Variants in KCNH7 observed in about 807,000 individuals in gnomAD.
KCNH7 encodes the protein voltage-gated inwardly rectifying potassium channel KCNH7.
In KCNH7, 49 loss-of-function variants were observed where a neutral mutation model predicts 120.8. That is an observed-to-expected ratio of 0.41 (90% CI 0.32 to 0.51). The LOEUF is 0.51. Among genes scored for constraint, KCNH7 ranks in the 20% least tolerant of loss-of-function variants. KCNH7 has a pLI of 0.38. For synonymous variants in KCNH7, 547 were observed against 516.1 expected, an observed-to-expected ratio of 1.06 and a Z score of -0.81; for missense variants, 1,097 against 1,446.6, an observed-to-expected ratio of 0.76 and a Z score of 3.92.
intron 6 of KCNH7, among the ~76,000 whole-genome samples, chr2:162,496,338 A>G (rs1001007401): frequency 6.6e-6 from 1 of 152,144 alleles, no homozygotes; most frequent in Non-Finnish European, 1.5e-5. Context: ...TGTTTTGTGC[A>G]GATAAGAGAA....
intron 9 of KCNH7, among the ~76,000 whole-genome samples, chr2:162,415,341 AG>A (rs1485020111): frequency 1.3e-5 from 2 of 152,138 alleles, no homozygotes; most frequent in African/African-American, 4.8e-5. Flanking sequence ...GCACCAGCAC[AG>A]AAGATGCTTC....
intron 2 of KCNH7, among the ~76,000 whole-genome samples, chr2:162,718,173 C>A (rs1342224839): frequency 6.6e-6 from 1 of 151,794 alleles, no homozygotes; most frequent in Non-Finnish European, 1.5e-5. Context: ...AAGAAATCTG[C>A]ACCTAAAATG....
chr2:162,793,798 G>A (rs543162544), intron 2 of KCNH7, among the ~76,000 whole-genome samples: 1 of 152,062 alleles, frequency 6.6e-6, no homozygotes, highest in South Asian at 2.1e-4. Context: ...AAGCTCTGGA[G>A]ATCTATTTTT....
intron 2 of KCNH7, among the ~76,000 whole-genome samples, chr2:162,539,325 A>G (rs1692224048): frequency 6.6e-6 from 1 of 152,130 alleles, no homozygotes; most frequent in South Asian, 2.1e-4. Context: ...TTCCTGGATC[A>G]TTTAGAATAT....
intron 2 of KCNH7, among the ~76,000 whole-genome samples, chr2:162,683,274 A>T (rs1391374413): frequency 3.3e-5 from 5 of 151,918 alleles, no homozygotes; most frequent in African/African-American, 1.2e-4. Context: ...TCTCTTATTC[A>T]GTAACAAAGC....
intron 2 of KCNH7, among the ~76,000 whole-genome samples, chr2:162,742,687 A>C (rs1322174267): frequency 6.6e-6 from 1 of 152,206 alleles, no homozygotes; most frequent in East Asian, 1.9e-4. Context: ...TTCACTCTGC[A>C]TTACAGTATT....
At chr2:162,441,706 C>T (rs1688419652) in intron 7 of KCNH7, among the ~76,000 whole-genome samples, 1 of 152,184 alleles carries the variant, frequency 6.6e-6, no homozygotes, top group African/African-American at 2.4e-5. Flanking sequence ...AGTTAACTTT[C>T]TGGAGACTGA....
intron 2 of KCNH7, among the ~76,000 whole-genome samples, chr2:162,660,732 TA>T (rs1455803379): frequency 1.3e-5 from 2 of 152,184 alleles, no homozygotes; most frequent in African/African-American, 4.8e-5. Context: ...AGTTATTTTT[TA>T]TACACTGTCA....
intron 6 of KCNH7, among the ~76,000 whole-genome samples, chr2:162,446,876 C>CATTTAATTTACATAT (rs1688599413): frequency 6.6e-6 from 1 of 152,028 alleles, no homozygotes; most frequent in Admixed American, 6.6e-5. Flanking sequence ...TCCATGGTCA[C>CATTTAATTTACATAT]ATTTAATTTA....
Position 162,384,860 on chromosome 2 carries a change from T to G in KCNH7, c.2790A>C (p.Lys930Asn), listed in dbSNP as rs199701231. 1 of 1,612,742 alleles carries G rather than the reference T, an allele frequency of 6.2e-7. No individual in the cohort carries two copies. The highest frequency in any genetic ancestry group is 8.5e-7 in the Non-Finnish European group (1 of 1,179,022). The stretch of plus-strand genomic sequence containing the variant: ...AGATGAAAGATGAGGATCTGCTTTT[T>G]TTCTCTTCAAAGTGTCTCTTGGAAC... ...YQSSKRHFEE[K>N]KSRSSSFISS... Residue 930 changes from lysine to asparagine, a missense_variant, in exon 13 of 16, where the codon AAA (lysine) becomes AAC (asparagine). Around this residue, in one of 8 missense-constraint regions of KCNH7, gnomAD observed 406 missense variants for 410.5 expected, o/e 0.99. Transcript: ENST00000332142.
chr2:162,451,454 G>A (rs1688768494), intron 6 of KCNH7, among the ~76,000 whole-genome samples: 1 of 152,006 alleles, frequency 6.6e-6, no homozygotes, highest in African/African-American at 2.4e-5. Flanking sequence ...AAAACATAGT[G>A]ACCTAAAGTA....
intron 2 of KCNH7, among the ~76,000 whole-genome samples, chr2:162,609,231 G>A (rs756639416): frequency 7.2e-5 from 11 of 151,952 alleles, no homozygotes; most frequent in Non-Finnish European, 1.3e-4. Flanking sequence ...TCATCTATAA[G>A]TAAAGCCCCA....
chr2:162,702,495 C>T (rs1033005652), intron 2 of KCNH7, among the ~76,000 whole-genome samples: 2 of 152,096 alleles, frequency 1.3e-5, no homozygotes, highest in Non-Finnish European at 2.9e-5. Context: ...TGTTATTACT[C>T]ATCATTTACT....
At chr2:162,790,718 T>C (rs890127095) in intron 2 of KCNH7, among the ~76,000 whole-genome samples, 1 of 151,932 alleles carries the variant, frequency 6.6e-6, no homozygotes, top group Admixed American at 6.6e-5. Context: ...ATTAACAGAA[T>C]GAAGGATAAA....
intron 6 of KCNH7, among the ~76,000 whole-genome samples, chr2:162,488,828 G>T (rs1044383121): frequency 6.6e-6 from 1 of 152,100 alleles, no homozygotes; most frequent in Non-Finnish European, 1.5e-5. Context: ...CAGTGCCAGG[G>T]CTCCGACACC....
intron 2 of KCNH7, among the ~76,000 whole-genome samples, chr2:162,664,528 G>C (rs542581357): frequency 6.6e-6 from 1 of 152,264 alleles, no homozygotes; most frequent in East Asian, 1.9e-4. Flanking sequence ...AGTGAAGTTG[G>C]GATGTGAATC....
intron 2 of KCNH7, among the ~76,000 whole-genome samples, chr2:162,739,526 G>C (rs1188555656): frequency 6.6e-6 from 1 of 152,146 alleles, no homozygotes; most frequent in African/African-American, 2.4e-5. Context: ...ACCATGCTGA[G>C]CTGTTGCTGG....
chr2:162,539,224 T>G (rs1252538197), intron 2 of KCNH7, among the ~76,000 whole-genome samples: 3 of 152,108 alleles, frequency 2.0e-5, no homozygotes, highest in Non-Finnish European at 2.9e-5. Context: ...ACACACTGGT[T>G]AAACAGAGTC....
At chr2:162,599,134 A>G (rs528539208) in intron 2 of KCNH7, among the ~76,000 whole-genome samples, 116 of 152,010 alleles carry the variant, frequency 7.6e-4, no homozygotes, top group African/African-American at 2.7e-3. Context: ...GAACCCAGGA[A>G]GTGGAGGTTG....
Sources: allele counts gnomAD v4.1 joint callset (sites outside exome capture counted in the v4.1 genomes callset), GRCh38; gene constraint gnomAD v4.1.1; regional missense constraint gnomAD v4.1.1; transcripts MANE v1.5; gene names NCBI Gene and HGNC (gene_info 2026-07-23, HGNC 2026-07-21).